The following STPG1 variants were observed in gnomAD, a reference collection of about 807,000 sequenced individuals.
STPG1 encodes sperm tail PG-rich repeat containing 1.
A neutral mutation model predicts 40.1 loss-of-function variants in STPG1; 33 were observed. That is an observed-to-expected ratio of 0.82 (90% CI 0.62 to 1.10). The LOEUF (loss-of-function observed/expected upper bound fraction) is 1.10, where lower values mean the gene tolerates loss of function less well. Ranked by LOEUF, STPG1 falls within the 50% of genes least tolerant of loss-of-function variation. The pLI, the probability that STPG1 is intolerant of heterozygous loss-of-function variation, is 0.00. For missense variants in STPG1, 396 were observed against 415.1 expected (o/e 0.95, Z 0.40); for synonymous variants, 150 against 155.0 (o/e 0.97, Z 0.24).
chr1:24,369,549 G>A (rs893096230), intron 7 of STPG1, 125 bp downstream of exon 7: 36 of 985,200 alleles, frequency 3.7e-5, no homozygotes, highest in Non-Finnish European at 5.3e-5. Context: ...TGTGACTAAG[G>A]GCCCCTGAAG....
At position 24,373,125 on chromosome 1, in the gene STPG1, C is replaced by T. The variant is rs1349549630; in HGVS notation, c.571+577G>A. 2.0e-5 allele frequency among the ~76,000 whole-genome samples: 3 copies of T among 152,184 alleles called. No individual in the cohort carries two copies. In the East Asian group the frequency reaches 5.8e-4, roughly 29 times the overall value. On this transcript the variant is annotated intron_variant, in intron 6 of 8. Transcript: ENST00000337248. ...TGACACTGGGCAAGTCATTTCAACT[C>T]TCTGAGCCTCCACTTCCTCATCTGA...
Position 24,379,799 on chromosome 1 carries a change from A to C in STPG1, c.316T>G (p.Ser106Ala). ...TATGCATTCGCTGCAGGGTATTTAG[A>C]AATGATGGTGTCCAATCGGGCGCAC... ...SMCARLDTIISKYPAANAYTI... is the reference protein window; with the variant it reads ...SMCARLDTIIAKYPAANAYTI... The change falls in exon 5 of 9, where the codon TCT (serine) becomes GCT (alanine). Residue 106 changes from serine (S) to alanine (A), a missense_variant. Transcript: ENST00000337248. The C allele has an allele frequency of 6.2e-7, 1 of 1,614,122 alleles. No individual in the cohort carries two copies. Among genetic ancestry groups the C allele is most frequent in the Non-Finnish European group, 8.5e-7 (1 of 1,179,942 alleles).
chr1:24,385,669 A>G (rs1221197037), intron 3 of STPG1, among the ~76,000 whole-genome samples: 1 of 152,204 alleles, frequency 6.6e-6, no homozygotes, highest in African/African-American at 2.4e-5. Context: ...TCAGAGCCAG[A>G]ACCGAGGCAT....
chr1:24,389,338 T>C (rs11589294), intron 3 of STPG1, among the ~76,000 whole-genome samples: 55,277 of 151,846 alleles, frequency 0.36, 10,206 homozygotes, highest in East Asian at 0.47. Context: ...GCTAAGGCCT[T>C]TTCAGAAACT....
intron 2 of STPG1, among the ~76,000 whole-genome samples, chr1:24,396,679 C>T (rs1643019932): frequency 6.6e-6 from 1 of 152,014 alleles, no homozygotes; most frequent in East Asian, 1.9e-4. Context: ...TTAAGGTAAC[C>T]ACTAGGAAAA....
At chr1:24,370,375 G>A in intron 6 of STPG1, among the ~76,000 whole-genome samples, 1 of 150,416 alleles carries the variant, frequency 6.6e-6, no homozygotes. Context: ...GAATGCAGTG[G>A]CACAATCACA....
chr1:24,388,623 G>GACT (rs780061366), intron 3 of STPG1, among the ~76,000 whole-genome samples: 41 of 152,342 alleles, frequency 2.7e-4, no homozygotes, highest in Middle Eastern at 6.8e-3. Context: ...TGGGCCACAG[G>GACT]ACTACTGCGA....
At chr1:24,403,596 G>A (rs540875729) in intron 1 of STPG1, among the ~76,000 whole-genome samples, 4 of 151,948 alleles carry the variant, frequency 2.6e-5, no homozygotes, top group Non-Finnish European at 5.9e-5. Flanking sequence ...CATTAATATG[G>A]TATACTCTCC....
At position 24,357,108 on chromosome 1, in the gene STPG1, C is replaced by T. The variant is rs926122583; in HGVS notation, c.*1435G>A. ...ACATCACAGTTTTAAAGACAGGATT[C>T]GTATTACTGATGTTTCCTTTTGCCT... On this transcript the variant is annotated 3_prime_UTR_variant, in exon 9 of 9. Transcript: ENST00000337248. 6 of 138,966 alleles carry T rather than the reference C, an allele frequency of 4.3e-5. No individual in the cohort carries two copies. Among genetic ancestry groups the T allele is most frequent in the South Asian group, 2.6e-4 (1 of 3,844 alleles). 8.6% of individuals were successfully genotyped at this position (138,966 alleles called of 1,614,324 possible).
intron 3 of STPG1, among the ~76,000 whole-genome samples, chr1:24,388,230 G>A (rs902289775): frequency 6.6e-6 from 1 of 152,152 alleles, no homozygotes; most frequent in African/African-American, 2.4e-5. Context: ...GGTGTCCTTA[G>A]GGGTACACAG....
chr1:24,386,554 G>A (rs1185972325), intron 3 of STPG1, among the ~76,000 whole-genome samples: 2 of 152,206 alleles, frequency 1.3e-5, no homozygotes, highest in Admixed American at 6.5e-5. Context: ...ACTTTTCTTC[G>A]AGGAGGGTAA....
chr1:24,381,529 C>A (rs1362893327), intron 4 of STPG1, among the ~76,000 whole-genome samples: 2 of 152,218 alleles, frequency 1.3e-5, no homozygotes, highest in Non-Finnish European at 2.9e-5. Context: ...AAACTCTCCA[C>A]CCACCTGCCT....
intron 5 of STPG1, among the ~76,000 whole-genome samples, chr1:24,376,177 T>G (rs1454889214): frequency 6.6e-6 from 1 of 152,180 alleles, no homozygotes. Flanking sequence ...TGTGCCACCA[T>G]GCCTGGCTTA....
chr1:24,406,133 C>CT (rs896449557), intron 1 of STPG1, among the ~76,000 whole-genome samples: 9 of 151,738 alleles, frequency 5.9e-5, no homozygotes, highest in Admixed American at 1.3e-4. Context: ...GCCCTTGTCT[C>CT]TTTTTTTTGG....
intron 7 of STPG1, among the ~76,000 whole-genome samples, chr1:24,363,689 T>C (rs1641269435): frequency 3.9e-5 from 6 of 152,166 alleles, no homozygotes; most frequent in Admixed American, 2.6e-4. Flanking sequence ...AATAAAAAAC[T>C]GCATTGAAAG....
chr1:24,364,151 G>T, intron 7 of STPG1: 1 of 1,474,070 alleles, frequency 6.8e-7, no homozygotes, highest in South Asian at 1.4e-5. Flanking sequence ...CTGCAAACTC[G>T]AATTCAATTC....
chr1:24,372,476 C>T (rs552923532), intron 6 of STPG1, among the ~76,000 whole-genome samples: 1 of 152,314 alleles, frequency 6.6e-6, no homozygotes. Flanking sequence ...GATCCCCCCA[C>T]CCCGGGAGGG....
intron 5 of STPG1, among the ~76,000 whole-genome samples, chr1:24,374,654 TCACTGTGTTG>T (rs1641937746): frequency 1.3e-5 from 2 of 151,802 alleles, no homozygotes; most frequent in African/African-American, 4.8e-5. Flanking sequence ...AGACTGAGTC[TCACTGTGTTG>T]CCCAGGCTGG....
At chr1:24,407,253 G>C (rs1490296874) in intron 1 of STPG1, among the ~76,000 whole-genome samples, 1 of 151,966 alleles carries the variant, frequency 6.6e-6, no homozygotes, top group Non-Finnish European at 1.5e-5. Context: ...ACCAAATTTG[G>C]AAAATATTCA....
Sources: allele counts gnomAD v4.1 joint callset (sites outside exome capture counted in the v4.1 genomes callset), GRCh38; gene constraint gnomAD v4.1.1; transcripts MANE v1.5; gene names NCBI Gene and HGNC (gene_info 2026-07-23, HGNC 2026-07-21).